MEGF11: variants seen among roughly 807,000 people sequenced by gnomAD.
MEGF11 encodes the protein multiple epidermal growth factor-like domains protein 11.
MEGF11 carries 126 observed loss-of-function variants against 146.6 expected under a neutral mutation model. The observed-to-expected ratio is 0.86, with a 90% confidence interval of 0.74 to 1.00. The LOEUF (loss-of-function observed/expected upper bound fraction) is 1.00. Ranked by LOEUF, MEGF11 falls within the 50% of genes least tolerant of loss-of-function variation. The pLI, the probability that MEGF11 is intolerant of heterozygous loss-of-function variation, is 0.00. For synonymous variants in MEGF11, 532 were observed against 583.4 expected (o/e 0.91, Z 1.27); for missense variants, 1,509 against 1,521.2 (o/e 0.99, Z 0.13).
intron 5 of MEGF11, among the ~76,000 whole-genome samples, chr15:66,040,911 G>C (rs982601985): frequency 1.2e-5 from 1 of 82,970 alleles, no homozygotes; most frequent in Non-Finnish European, 2.4e-5. Flanking sequence ...CAGAGGAAGG[G>C]ACTTTTTTTT....
intron 10 of MEGF11, among the ~76,000 whole-genome samples, chr15:65,933,360 T>C (rs1391602309): frequency 6.6e-6 from 1 of 152,126 alleles, no homozygotes; most frequent in Non-Finnish European, 1.5e-5. Context: ...TCAGAAGGGG[T>C]TTCTCTCCCA....
chr15:65,919,556 A>G (rs1420771158), intron 15 of MEGF11, among the ~76,000 whole-genome samples: 1 of 152,246 alleles, frequency 6.6e-6, no homozygotes, highest in Admixed American at 6.5e-5. Flanking sequence ...AAATGCTGAC[A>G]CAGACACGAA....
intron 1 of MEGF11, among the ~76,000 whole-genome samples, chr15:66,237,538 G>A (rs1057155186): frequency 1.3e-5 from 2 of 152,222 alleles, no homozygotes; most frequent in Non-Finnish European, 2.9e-5. Flanking sequence ...CCACCGTCCT[G>A]TGGGGAAGCC....
At chr15:66,086,907 C>T (rs1173996726) in intron 5 of MEGF11, among the ~76,000 whole-genome samples, 1 of 152,160 alleles carries the variant, frequency 6.6e-6, no homozygotes, top group African/African-American at 2.4e-5. Flanking sequence ...TAAGAACTCA[C>T]CAACCATCTG....
Position 65,905,984 on chromosome 15 carries a change from C to T in MEGF11, c.3055+101G>A, listed in dbSNP as rs367594179. 139 of 966,920 alleles carry T rather than the reference C, an allele frequency of 1.4e-4. No homozygotes were observed. In the South Asian group the frequency reaches 1.5e-3, roughly 10 times the overall value. 59.9% of individuals were successfully genotyped at this position (966,920 alleles called of 1,614,324 possible). A position where few individuals can be genotyped will look rare whatever the true frequency, so the allele number is the denominator to read the frequency against. On this transcript the variant is annotated intron_variant, in intron 24 of 25. Coordinates refer to ENST00000395614, the MANE Select transcript of MEGF11 (RefSeq NM_001385028.1). ...CTTTTAACCTTCTGTGGGGGGCAGG[C>T]ACACACAGTTTGTCTCAAGTGGAAT...
intron 5 of MEGF11, among the ~76,000 whole-genome samples, chr15:66,008,827 G>GAA (rs35381735): frequency 0.13 from 18,045 of 143,748 alleles, 1,286 homozygotes; most frequent in African/African-American, 0.19. Flanking sequence ...CTGTCTCTTA[G>GAA]AAAAAAAAAA....
chr15:66,236,846 G>A (rs78298173), intron 1 of MEGF11, among the ~76,000 whole-genome samples: 267 of 152,332 alleles, frequency 1.8e-3, no homozygotes, highest in African/African-American at 6.2e-3. Flanking sequence ...CAAAGGGGCA[G>A]AGGAGCTGAG....
intron 5 of MEGF11, among the ~76,000 whole-genome samples, chr15:66,019,231 G>A (rs1326543259): frequency 2.0e-5 from 3 of 152,132 alleles, no homozygotes; most frequent in African/African-American, 7.2e-5. Flanking sequence ...CCTCCCAGAG[G>A]CCGCAGACAG....
Position 66,192,121 on chromosome 15 carries a change from A to G in MEGF11, c.-9+61484T>C, listed in dbSNP as rs79776501. Reference sequence around the variant, plus strand: ...GAAAAATAAAAAGACCTACTAAATAAATGGTAGTTCAACAAATATCGAGGG... The same window carrying G: ...GAAAAATAAAAAGACCTACTAAATAGATGGTAGTTCAACAAATATCGAGGG... On this transcript the variant is annotated intron_variant, in intron 1 of 25. Coordinates refer to ENST00000395614, the MANE Select transcript of MEGF11 (RefSeq NM_001385028.1). Among the ~76,000 whole-genome samples, 1,245 of 151,800 alleles carry G rather than the reference A, an allele frequency of 8.2e-3. 42 individuals are homozygous for G. The highest frequency in any genetic ancestry group is 0.056 in the Admixed American group (859 of 15,220).
chr15:66,016,848 G>C (rs1345827799), intron 5 of MEGF11, among the ~76,000 whole-genome samples: 1 of 152,152 alleles, frequency 6.6e-6, no homozygotes, highest in Non-Finnish European at 1.5e-5. Flanking sequence ...CCTGTGAATG[G>C]GGAAAGGGAT....
intron 1 of MEGF11, among the ~76,000 whole-genome samples, chr15:66,196,301 G>T (rs1177977929): frequency 6.6e-6 from 1 of 151,986 alleles, no homozygotes; most frequent in African/African-American, 2.4e-5. Context: ...CAAAAACCCC[G>T]TCTTTACTAA....
chr15:65,929,790 C>A lies in MEGF11; in HGVS notation c.1502G>T (p.Cys501Phe). 1 of 1,563,660 alleles carries A rather than the reference C, an allele frequency of 6.4e-7. No homozygotes were observed. Reference sequence around the variant, plus strand: ...GGAGCAGGAGCCGTCTATGGGGCTGCAGGCTGCCCCATTGGCACAGGTGCA... The same window carrying A: ...GGAGCAGGAGCCGTCTATGGGGCTGAAGGCTGCCCCATTGGCACAGGTGCA... ...ESCTCANGAACSPIDGSCSCT... is the reference protein window; with the variant it reads ...ESCTCANGAAFSPIDGSCSCT... The change falls in exon 12 of 26, where the codon TGC becomes TTC. Residue 501 changes from cysteine (C) to phenylalanine (F), a missense_variant. Coordinates refer to ENST00000395614, the MANE Select transcript of MEGF11 (RefSeq NM_001385028.1).
At chr15:65,938,675 C>T (rs1476025242) in intron 10 of MEGF11, among the ~76,000 whole-genome samples, 3 of 152,170 alleles carry the variant, frequency 2.0e-5, no homozygotes, top group Non-Finnish European at 4.4e-5. Flanking sequence ...CATCCAAAGG[C>T]CTGTTAATTA....
intron 1 of MEGF11, among the ~76,000 whole-genome samples, chr15:66,166,059 C>T (rs773103002): frequency 3.9e-5 from 6 of 152,302 alleles, no homozygotes; most frequent in South Asian, 2.1e-4. Context: ...TGTCATCAGA[C>T]GGTGCCCATA....
At chr15:65,910,406 G>A (rs565033748) in intron 21 of MEGF11, among the ~76,000 whole-genome samples, 1 of 152,222 alleles carries the variant, frequency 6.6e-6, no homozygotes, top group African/African-American at 2.4e-5. Context: ...CCTGACTTGC[G>A]TGCCTTGCTC....
intron 1 of MEGF11, among the ~76,000 whole-genome samples, chr15:66,245,585 T>C (rs2092284898): frequency 6.6e-6 from 1 of 152,008 alleles, no homozygotes; most frequent in Non-Finnish European, 1.5e-5. Flanking sequence ...TGAGCTATGA[T>C]TGCACTACTG....
chr15:65,940,808 C>G (rs1331461602), intron 10 of MEGF11, among the ~76,000 whole-genome samples: 1 of 152,202 alleles, frequency 6.6e-6, no homozygotes, highest in Admixed American at 6.5e-5. Context: ...AAGGTTAGGA[C>G]TGGAAGCCCC....
In MEGF11 at chr15:65,982,577, A is replaced by G. The variant is rs572604913; in HGVS notation, c.395-89T>C. ...GAACCGATGCCCATGCGGCCTTCCC[A>G]TCTTTGCAGCGCTGCTCCCCGGACA... On this transcript the variant is annotated intron_variant, in intron 5 of 25. Transcript: ENST00000395614. This position sits in a 1 kb window ranked among gnomAD's most constrained non-coding sequence, Gnocchi z 5.6. The G allele has an allele frequency of 2.1e-4, 295 of 1,382,434 alleles. 1 individual carries two copies. The African/African-American group carries it at 3.9e-3, about 18-fold the overall frequency. The allele number at this position is 1,382,434 out of a possible 1,614,324, so 85.6% of individuals were successfully genotyped here.
chr15:65,986,820 A>G lies in MEGF11; in HGVS notation c.395-4332T>C, dbSNP rs527871440. Among the ~76,000 whole-genome samples, 286 of 126,860 alleles carry G rather than the reference A, an allele frequency of 2.3e-3. 1 individual carries two copies. Among genetic ancestry groups the G allele is most frequent in the African/African-American group, 8.6e-3 (268 of 31,302 alleles). 83.2% of individuals were successfully genotyped at this position (126,860 alleles called of 152,430 possible). A position where few individuals can be genotyped will look rare whatever the true frequency, so the allele number is the denominator to read the frequency against. ...TTTTTTTTTTTTTTTTTTTTGAGAC[A>G]GAGTCTCAACTCTGTTGCCTAGGCT... On this transcript the variant is annotated intron_variant, in intron 5 of 25. Transcript: ENST00000395614.
Sources: allele counts gnomAD v4.1 joint callset (sites outside exome capture counted in the v4.1 genomes callset), GRCh38; gene constraint gnomAD v4.1.1; non-coding constraint Gnocchi (gnomAD v3.1); transcripts MANE v1.5; gene names NCBI Gene and HGNC (gene_info 2026-07-23, HGNC 2026-07-21).